Variants in ABCA13 observed in about 807,000 individuals in gnomAD.
ABCA13 encodes the protein ATP-binding cassette sub-family A member 13.
ABCA13 carries 476 observed loss-of-function variants against 478.7 expected under a neutral mutation model. That is an observed-to-expected ratio of 0.99 (90% CI 0.92 to 1.07). The LOEUF is 1.07. Among genes scored for constraint, ABCA13 ranks in the 50% least tolerant of loss-of-function variants. The pLI, the probability that ABCA13 is intolerant of heterozygous loss-of-function variation, is 0.00. For missense variants in ABCA13, 6,060 were observed against 5,910.6 expected, an observed-to-expected ratio of 1.03 and a Z score of -0.83; for synonymous variants, 2,252 against 2,158.9, an observed-to-expected ratio of 1.04 and a Z score of -1.20.
At chr7:48,445,099 C>T (rs538213644) in intron 42 of ABCA13, among the ~76,000 whole-genome samples, 2 of 151,664 alleles carry the variant, frequency 1.3e-5, no homozygotes, top group African/African-American at 4.8e-5. Context: ...ACCTCCAGCT[C>T]CTAGGTTCAA....
In ABCA13 at chr7:48,274,416, A is replaced by G; in HGVS notation, c.4750A>G (p.Ser1584Gly). The G allele has an allele frequency of 6.2e-7, 1 of 1,612,824 alleles. No individual in the cohort carries two copies. The highest frequency in any genetic ancestry group is 8.5e-7 in the Non-Finnish European group (1 of 1,179,530). The change falls in exon 17 of 62, where the codon AGT becomes GGT. Residue 1584 changes from serine to glycine, a missense_variant. Ser to Gly is a moderately conservative substitution (Grantham distance 56). Transcript: ENST00000435803. ...AAACTTGTTAAACATATTTGCCACC[A>G]GTCCAAAAGAAAAGGATGTAAACAG... ...TENLLNIFATSPKEKDVNSVG... is the reference protein window; with the variant it reads ...TENLLNIFATGPKEKDVNSVG...
At chr7:48,627,174 G>A (rs1193568728) in intron 59 of ABCA13, 1 of 580,170 alleles carries the variant, frequency 1.7e-6, no homozygotes, top group African/African-American at 2.0e-5. Flanking sequence ...AAGAAACTGA[G>A]ACCTAAAGAA....
At chr7:48,288,149 T>C (rs775200009) in intron 20 of ABCA13, 71 bp downstream of exon 20, 287 of 1,360,700 alleles carry the variant, frequency 2.1e-4, no homozygotes, top group Non-Finnish European at 2.8e-4. Context: ...AGTCCAGTTA[T>C]TCAAACTTGC....
At chr7:48,544,660 C>A (rs1241947216) in intron 55 of ABCA13, among the ~76,000 whole-genome samples, 1 of 151,816 alleles carries the variant, frequency 6.6e-6, no homozygotes, top group Non-Finnish European at 1.5e-5. Flanking sequence ...CTTTTCATTT[C>A]TATCTTTTGT....
chr7:48,375,783 C>A (rs928115606), intron 34 of ABCA13, among the ~76,000 whole-genome samples: 2 of 151,968 alleles, frequency 1.3e-5, no homozygotes, highest in Non-Finnish European at 2.9e-5. Context: ...TGAATGATTT[C>A]TTCTAACTGA....
At chr7:48,536,647 CA>C (rs67382689) in intron 55 of ABCA13, among the ~76,000 whole-genome samples, 13,167 of 131,306 alleles carry the variant, frequency 0.1, 894 homozygotes, top group African/African-American at 0.22. Context: ...GACTCCATCT[CA>C]AAAAAAAAAA....
intron 56 of ABCA13, among the ~76,000 whole-genome samples, chr7:48,581,806 T>C (rs1405326117): frequency 1.3e-5 from 2 of 152,218 alleles, no homozygotes; most frequent in Admixed American, 1.3e-4. Flanking sequence ...TGCTACTTGC[T>C]CTTGTTTCTA....
intron 32 of ABCA13, among the ~76,000 whole-genome samples, chr7:48,371,115 T>G (rs1481099416): frequency 6.6e-6 from 1 of 152,192 alleles, no homozygotes; most frequent in Non-Finnish European, 1.5e-5. Flanking sequence ...TTCTGAGATC[T>G]CTATTCTGTT....
chr7:48,273,432 T>A lies in ABCA13; in HGVS notation c.3766T>A (p.Ser1256Thr). ...ACTTAACTTGGAGCAAGTGGAGAAA[T>A]CCCTTTTCACCATGGAAGCTGCCCT... ...KKLNLEQVEK[S>T]LFTMEAALHQ... The change falls in exon 17 of 62, where the codon TCC (serine) becomes ACC (threonine). Residue 1256 changes from serine (S) to threonine (T), a missense_variant. By Grantham distance (58) the Ser-to-Thr change is moderately conservative. Transcript: ENST00000435803. 4.3e-6 allele frequency: 7 copies of A among 1,613,168 alleles called. No individual in the cohort carries two copies. Among genetic ancestry groups the A allele is most frequent in the Non-Finnish European group, 5.9e-6 (7 of 1,179,552 alleles).
At chr7:48,636,953 C>T (rs1020310769) in intron 59 of ABCA13, among the ~76,000 whole-genome samples, 1 of 152,232 alleles carries the variant, frequency 6.6e-6, no homozygotes, top group East Asian at 1.9e-4. Flanking sequence ...GGCAATTATG[C>T]ATTTTTTCTT....
chr7:48,442,176 C>T (rs1256978425), intron 42 of ABCA13, among the ~76,000 whole-genome samples: 1 of 152,210 alleles, frequency 6.6e-6, no homozygotes, highest in Non-Finnish European at 1.5e-5. Context: ...CAGTCAAACT[C>T]TCACGTTGCC....
At chr7:48,536,647 CAAA>C (rs67382689) in intron 55 of ABCA13, among the ~76,000 whole-genome samples, 16 of 131,412 alleles carry the variant, frequency 1.2e-4, no homozygotes, top group African/African-American at 4.4e-4. Flanking sequence ...GACTCCATCT[CAAA>C]AAAAAAAAAA....
At chr7:48,204,936 C>T (rs921977864) in intron 3 of ABCA13, among the ~76,000 whole-genome samples, 1 of 152,176 alleles carries the variant, frequency 6.6e-6, no homozygotes, top group African/African-American at 2.4e-5. Context: ...AGAGTCTCCC[C>T]TCCTGACCCA....
chr7:48,450,412 C>G lies in ABCA13; in HGVS notation c.12566-4625C>G, dbSNP rs532140288. On this transcript the variant is annotated intron_variant, in intron 42 of 61. Coordinates refer to ENST00000435803, the MANE Select transcript of ABCA13 (RefSeq NM_152701.5). ...AAGAAGAATAAAAGAGTCATAATCT[C>G]ACCACAAGAATATAAATTTTTAAGT... Among the ~76,000 whole-genome samples, 3 of 152,280 alleles carry G rather than the reference C, an allele frequency of 2.0e-5. No individual in the cohort carries two copies. In the South Asian group the frequency reaches 6.2e-4, roughly 32 times the overall value.
chr7:48,535,087 T>G lies in ABCA13; in HGVS notation c.14354+6742T>G, dbSNP rs963536719. Reference sequence around the variant, plus strand: ...TTTTAGGGGTGTTAAAGAATTATGTTTTGTCATATTACCGGAATTGTTTTT... The same window carrying G: ...TTTTAGGGGTGTTAAAGAATTATGTGTTGTCATATTACCGGAATTGTTTTT... On this transcript the variant is annotated intron_variant, in intron 55 of 61. Transcript: ENST00000435803. Among the ~76,000 whole-genome samples the G allele has an allele frequency of 2.6e-5, 4 of 152,276 alleles. No individual in the cohort carries two copies. The East Asian group carries it at 5.8e-4, about 22-fold the overall frequency.
chr7:48,507,836 G>A (rs753863620), intron 49 of ABCA13, 36 bp from the exon 50 acceptor site: 14 of 1,547,204 alleles, frequency 9.0e-6, no homozygotes, highest in Middle Eastern at 2.0e-4. Flanking sequence ...TGTGTTCTTC[G>A]TCAGGTGCCT....
At chr7:48,377,193 C>CAAA (rs528881294) in intron 35 of ABCA13, among the ~76,000 whole-genome samples, 1 of 73,836 alleles carries the variant, frequency 1.4e-5, no homozygotes, top group African/African-American at 5.3e-5. Flanking sequence ...TATCAATGGC[C>CAAA]AAAAAAAAAA....
intron 29 of ABCA13, among the ~76,000 whole-genome samples, chr7:48,340,661 T>C (rs1218923096): frequency 6.6e-6 from 1 of 152,202 alleles, no homozygotes; most frequent in Non-Finnish European, 1.5e-5. Flanking sequence ...CTCCTGAGTT[T>C]GCATCTACCA....
At chr7:48,325,009 C>G (rs947436329) in intron 27 of ABCA13, among the ~76,000 whole-genome samples, 6 of 152,176 alleles carry the variant, frequency 3.9e-5, no homozygotes, top group African/African-American at 1.4e-4. Flanking sequence ...TTACTTCCCC[C>G]TTCCCTTTGG....
Sources: allele counts gnomAD v4.1 joint callset (sites outside exome capture counted in the v4.1 genomes callset), GRCh38; gene constraint gnomAD v4.1.1; transcripts MANE v1.5; gene names NCBI Gene and HGNC (gene_info 2026-07-23, HGNC 2026-07-21).